The following CDK19 variants were observed in gnomAD, a reference collection of about 807,000 sequenced individuals.
CDK19 encodes the protein cyclin-dependent kinase 19.
A neutral mutation model predicts 68.3 loss-of-function variants in CDK19; 20 were observed. The ratio of observed to expected loss-of-function variants is 0.29; its 90% confidence interval spans 0.21 to 0.43. The LOEUF is 0.43. Among genes scored for constraint, CDK19 ranks in the 20% least tolerant of loss-of-function variants. The pLI, the probability that CDK19 is intolerant of heterozygous loss-of-function variation, is 1.00. For missense variants in CDK19, 339 were observed against 623.5 expected (o/e 0.54, Z 4.86); for synonymous variants, 221 against 222.8 (o/e 0.99, Z 0.07).
intron 1 of CDK19, chr6:110,814,090 C>T (rs1240727490): frequency 1.9e-5 from 3 of 160,930 alleles, no homozygotes; most frequent in African/African-American, 4.8e-5. Flanking sequence ...CCAGTAAAGG[C>T]TTCCCAAGGT....
At position 110,768,632 on chromosome 6, in the gene CDK19, A is replaced by G. The variant is rs142140047; in HGVS notation, c.129-22431T>C. Among the ~76,000 whole-genome samples, 170 of 147,892 alleles carry G rather than the reference A, an allele frequency of 1.1e-3. 1 individual carries two copies. The highest frequency in any genetic ancestry group is 4.1e-3 in the African/African-American group (168 of 41,250). On this transcript the variant is annotated intron_variant, in intron 1 of 12. Transcript: ENST00000368911. ...TTACAAAGTGCAAGAAGCCAACCTGAAAAAGCTACATACTCAACTCTATGA... is the reference window on the plus strand; with the variant it reads ...TTACAAAGTGCAAGAAGCCAACCTGGAAAAGCTACATACTCAACTCTATGA...
At chr6:110,645,618 C>T (rs1189527652) in intron 4 of CDK19, 2 of 264,530 alleles carry the variant, frequency 7.6e-6, no homozygotes, top group Admixed American at 9.4e-5. Flanking sequence ...TCCTCGGTCC[C>T]TCGGGACTAC....
At chr6:110,779,000 T>A (rs1317378291) in intron 1 of CDK19, among the ~76,000 whole-genome samples, 3 of 152,164 alleles carry the variant, frequency 2.0e-5, no homozygotes, top group African/African-American at 7.2e-5. Flanking sequence ...GACTTCAGTG[T>A]GAGAAATATA....
chr6:110,754,989 T>C (rs1303720538), intron 1 of CDK19, among the ~76,000 whole-genome samples: 1 of 152,002 alleles, frequency 6.6e-6, no homozygotes, highest in Non-Finnish European at 1.5e-5. Flanking sequence ...GTGAATTTTT[T>C]TTTTTTTTGA....
At chr6:110,679,472 C>T (rs1010367660) in intron 2 of CDK19, among the ~76,000 whole-genome samples, 2 of 152,064 alleles carry the variant, frequency 1.3e-5, no homozygotes, top group South Asian at 2.1e-4. Context: ...ATTAGCCAGG[C>T]GTGGTGGTGG....
chr6:110,664,549 G>C (rs926763925), intron 4 of CDK19, among the ~76,000 whole-genome samples: 17 of 152,120 alleles, frequency 1.1e-4, no homozygotes, highest in Admixed American at 9.8e-4. Flanking sequence ...GTTCATTAAG[G>C]ATAGTGTATT....
intron 2 of CDK19, among the ~76,000 whole-genome samples, chr6:110,709,763 AT>A (rs1459750298): frequency 6.6e-6 from 1 of 152,192 alleles, no homozygotes; most frequent in African/African-American, 2.4e-5. Context: ...TGTAATTCTA[AT>A]TCACAATCAT....
At chr6:110,744,402 G>A (rs1777923782) in intron 2 of CDK19, among the ~76,000 whole-genome samples, 2 of 151,848 alleles carry the variant, frequency 1.3e-5, no homozygotes, top group Non-Finnish European at 2.9e-5. Flanking sequence ...AAGCATGGTG[G>A]CTCACGCCTG....
intron 4 of CDK19, among the ~76,000 whole-genome samples, chr6:110,644,544 A>C (rs917076826): frequency 1.3e-5 from 2 of 152,186 alleles, no homozygotes; most frequent in Non-Finnish European, 2.9e-5. Flanking sequence ...ACAAAGGATA[A>C]ATGCTTGAGG....
At chr6:110,752,906 GT>G (rs149130571) in intron 1 of CDK19, among the ~76,000 whole-genome samples, 13,647 of 151,596 alleles carry the variant, frequency 0.09, 777 homozygotes, top group Middle Eastern at 0.13. Context: ...GTTATCTCGG[GT>G]TTTTTTTGTT....
chr6:110,719,603 T>C (rs1203946727), intron 2 of CDK19, among the ~76,000 whole-genome samples: 2 of 152,108 alleles, frequency 1.3e-5, no homozygotes, highest in Admixed American at 6.6e-5. Flanking sequence ...GTAAAAAAGA[T>C]GCTTAGACTA....
Position 110,711,386 on chromosome 6 carries a change from G to A in CDK19, c.204+34740C>T, listed in dbSNP as rs140121128. ...TCCTTAGTAAATGAAGACATTATTT[G>A]GATTTCAAAAGGGTATTTGAATTAT... On this transcript the variant is annotated intron_variant, in intron 2 of 12. Coordinates refer to ENST00000368911, the MANE Select transcript of CDK19 (RefSeq NM_015076.5). 2.4e-3 allele frequency among the ~76,000 whole-genome samples: 372 copies of A among 152,148 alleles called. 1 individual carries two copies. Among genetic ancestry groups the A allele is most frequent in the African/African-American group, 8.5e-3 (352 of 41,500 alleles).
In CDK19 at chr6:110,750,232, TG is replaced by T. The variant is rs1202493469; in HGVS notation, c.129-4032del. On this transcript the variant is annotated intron_variant, in intron 1 of 12. Transcript: ENST00000368911. The stretch of plus-strand genomic sequence containing the variant: ...AAAAACAATTAGGAAGTTACTGTGA[TG>T]TAAGTGTGAGAAGGTGAAAACCTGG... 2.1e-5 allele frequency among the ~76,000 whole-genome samples: 3 copies of T among 145,570 alleles called. 1 individual carries two copies. The highest frequency in any genetic ancestry group is 1.3e-4 in the Admixed American group (2 of 14,832).
chr6:110,642,285 G>T (rs1206950081), intron 4 of CDK19, among the ~76,000 whole-genome samples: 1 of 143,416 alleles, frequency 7.0e-6, no homozygotes. Context: ...CTCCAGCCTA[G>T]GCGACAGAGT....
intron 5 of CDK19, 145 bp from the exon 6 acceptor site, chr6:110,632,306 C>G (rs557466075): frequency 1.7e-6 from 1 of 601,630 alleles, no homozygotes; most frequent in African/African-American, 1.9e-5. Flanking sequence ...TAAAGCAATC[C>G]TTTTCCTCCC....
At chr6:110,663,585 G>T (rs898885563) in intron 4 of CDK19, among the ~76,000 whole-genome samples, 30 of 152,156 alleles carry the variant, frequency 2.0e-4, no homozygotes, top group African/African-American at 7.2e-4. Context: ...GGAGTGGAGC[G>T]CAGTGGCACA....
intron 2 of CDK19, among the ~76,000 whole-genome samples, chr6:110,680,856 G>C (rs544435850): frequency 1.3e-5 from 2 of 151,958 alleles, no homozygotes; most frequent in African/African-American, 4.8e-5. Context: ...AATTAGCCAC[G>C]TGTGGTGGTA....
chr6:110,799,663 T>C (rs1336710252), intron 1 of CDK19, among the ~76,000 whole-genome samples: 1 of 152,070 alleles, frequency 6.6e-6, no homozygotes. Context: ...AATGGCACAA[T>C]CTCGGCTCAC....
At chr6:110,660,986 T>A (rs1209990634) in intron 4 of CDK19, among the ~76,000 whole-genome samples, 1 of 152,170 alleles carries the variant, frequency 6.6e-6, no homozygotes, top group Non-Finnish European at 1.5e-5. Context: ...ATAGGTAGCT[T>A]CAGACATAGT....
Sources: allele counts gnomAD v4.1 joint callset (sites outside exome capture counted in the v4.1 genomes callset), GRCh38; gene constraint gnomAD v4.1.1; transcripts MANE v1.5; gene names NCBI Gene and HGNC (gene_info 2026-07-23, HGNC 2026-07-21).